Variants in LGR5 observed in about 807,000 individuals in gnomAD.
LGR5 encodes the protein leucine-rich repeat-containing G protein-coupled receptor 5.
In LGR5, 54 loss-of-function variants were observed where a neutral mutation model predicts 76.7. That is an observed-to-expected ratio of 0.70 (90% CI 0.57 to 0.88). The LOEUF (loss-of-function observed/expected upper bound fraction) is 0.88. LGR5 is among the 40% of genes least tolerant of loss of function. The probability of loss-of-function intolerance (pLI) is 0.00; values close to 1 mark genes in which losing one functional copy is unlikely to be tolerated. For missense variants in LGR5, 1,078 were observed against 1,073.3 expected (o/e 1.00, Z -0.06); for synonymous variants, 406 against 421.9 (o/e 0.96, Z 0.46).
At chr12:71,534,587 G>C (rs1430522261) in intron 3 of LGR5, among the ~76,000 whole-genome samples, 1 of 152,066 alleles carries the variant, frequency 6.6e-6, no homozygotes, top group Non-Finnish European at 1.5e-5. Context: ...AAGCCTTATG[G>C]TGGCTGGCAA....
At chr12:71,583,623 T>C (rs1424091984) in intron 17 of LGR5, 24 bp from the exon 18 acceptor site, 1 of 1,580,402 alleles carries the variant, frequency 6.3e-7, no homozygotes, top group Admixed American at 1.8e-5. Flanking sequence ...TGATACTCAA[T>C]CTTTGCCTTC....
At chr12:71,533,668 T>C (rs1416944061) in intron 3 of LGR5, among the ~76,000 whole-genome samples, 4 of 152,188 alleles carry the variant, frequency 2.6e-5, no homozygotes, top group African/African-American at 9.6e-5. Flanking sequence ...GGCCTATTAA[T>C]GTACATTAAA....
intron 1 of LGR5, among the ~76,000 whole-genome samples, chr12:71,461,171 C>A (rs1048058918): frequency 6.6e-6 from 1 of 152,174 alleles, no homozygotes; most frequent in African/African-American, 2.4e-5. Flanking sequence ...TGCCCTGCCC[C>A]CTTCCCTCAT....
chr12:71,455,665 T>C (rs773397413), intron 1 of LGR5, among the ~76,000 whole-genome samples: 3 of 152,184 alleles, frequency 2.0e-5, no homozygotes, highest in Non-Finnish European at 4.4e-5. Context: ...AACCTCGTGC[T>C]GAGAAAGCTA....
At chr12:71,526,535 C>T (rs977804164) in intron 3 of LGR5, among the ~76,000 whole-genome samples, 2 of 152,036 alleles carry the variant, frequency 1.3e-5, no homozygotes, top group African/African-American at 4.8e-5. Flanking sequence ...AAGCCTAGTG[C>T]GTGTGATACT....
chr12:71,457,294 G>C (rs923360491), intron 1 of LGR5, among the ~76,000 whole-genome samples: 1 of 152,120 alleles, frequency 6.6e-6, no homozygotes, highest in South Asian at 2.1e-4. Flanking sequence ...CCCTATTTCT[G>C]AGAGAAAGGG....
chr12:71,495,777 G>A (rs1592489814), intron 1 of LGR5, among the ~76,000 whole-genome samples: 1 of 151,118 alleles, frequency 6.6e-6, no homozygotes, highest in South Asian at 2.1e-4. Flanking sequence ...TCTTTCAAAA[G>A]AATTCCTTTG....
intron 4 of LGR5, among the ~76,000 whole-genome samples, chr12:71,546,462 C>T (rs1050415750): frequency 3.3e-5 from 5 of 152,210 alleles, no homozygotes; most frequent in South Asian, 2.1e-4. Flanking sequence ...TGACATTCAT[C>T]TCTGTTCTCG....
chr12:71,475,584 A>T (rs921823542), intron 1 of LGR5, among the ~76,000 whole-genome samples: 1 of 152,018 alleles, frequency 6.6e-6, no homozygotes, highest in African/African-American at 2.4e-5. Context: ...CTGCTCTCTT[A>T]TGCTGCGACG....
At chr12:71,495,298 T>A (rs58032943) in intron 1 of LGR5, among the ~76,000 whole-genome samples, 3,653 of 151,304 alleles carry the variant, frequency 0.024, 365 homozygotes, top group African/African-American at 0.086. Flanking sequence ...AGTTACATAA[T>A]TATCCTTTTG....
At chr12:71,550,624 C>A (rs908652057) in intron 4 of LGR5, among the ~76,000 whole-genome samples, 4 of 151,934 alleles carry the variant, frequency 2.6e-5, no homozygotes, top group Non-Finnish European at 5.9e-5. Context: ...CCACACCCAG[C>A]TAATTTTTTT....
At chr12:71,565,367 A>G (rs1478231997) in intron 8 of LGR5, among the ~76,000 whole-genome samples, 1 of 149,998 alleles carries the variant, frequency 6.7e-6, no homozygotes, top group Non-Finnish European at 1.5e-5. Flanking sequence ...CCAAAAGTGA[A>G]GAAAATAGTA....
intron 1 of LGR5, among the ~76,000 whole-genome samples, chr12:71,496,542 C>T (rs183626240): frequency 6.6e-5 from 10 of 152,154 alleles, no homozygotes; most frequent in Non-Finnish European, 1.3e-4. Flanking sequence ...TTAAAGCAGA[C>T]ATATGCATAC....
At position 71,584,060 on chromosome 12, in the gene LGR5, A is replaced by G; in HGVS notation, c.2050A>G (p.Ile684Val). 6.2e-7 allele frequency: 1 copy of G among 1,614,182 alleles called. No individual in the cohort carries two copies. Among genetic ancestry groups the G allele is most frequent in the African/African-American group, 1.3e-5 (1 of 75,040 alleles). ...TKAPFSSLKV[I>V]ILLCALLALT... ...AGCTCCATTTTCTAGCCTGAAAGTAATCATTTTGCTCTGTGCCCTGCTGGC... is the reference window on the plus strand; with the variant it reads ...AGCTCCATTTTCTAGCCTGAAAGTAGTCATTTTGCTCTGTGCCCTGCTGGC... The change falls in exon 18 of 18, where the codon ATC becomes GTC. Residue 684 changes from isoleucine to valine, a missense_variant. Physicochemically the swap from Ile to Val is conservative, Grantham distance 29. Transcript: ENST00000266674.
chr12:71,504,593 GCTGT>G lies in LGR5; in HGVS notation c.213-16_213-13del. On this transcript the variant is annotated splice_polypyrimidine_tract_variant and intron_variant, in intron 1 of 17. Coordinates refer to ENST00000266674, the MANE Select transcript of LGR5 (RefSeq NM_003667.4). ...TGGTGGCATTTGCTGCTCCTCACACGCTGTCTGTTTTCCCCCCCAGAGACCTCAG... is the reference window on the plus strand; with the variant it reads ...TGGTGGCATTTGCTGCTCCTCACACGCTGTTTTCCCCCCCAGAGACCTCAG... 1 of 1,606,566 alleles carries G rather than the reference GCTGT, an allele frequency of 6.2e-7. No homozygotes were observed. The highest frequency in any genetic ancestry group is 1.1e-5 in the South Asian group (1 of 90,880).
chr12:71,504,598 C>G lies in LGR5; in HGVS notation c.213-16C>G. ...GCATTTGCTGCTCCTCACACGCTGT[C>G]TGTTTTCCCCCCCAGAGACCTCAGT... On this transcript the variant is annotated splice_polypyrimidine_tract_variant and intron_variant, in intron 1 of 17. Coordinates refer to ENST00000266674, the MANE Select transcript of LGR5 (RefSeq NM_003667.4). 2 of 1,611,958 alleles carry G rather than the reference C, an allele frequency of 1.2e-6. No individual in the cohort carries two copies. The highest frequency in any genetic ancestry group is 1.7e-6 in the Non-Finnish European group (2 of 1,178,062).
intron 2 of LGR5, among the ~76,000 whole-genome samples, chr12:71,523,825 A>C (rs1197206482): frequency 6.6e-6 from 1 of 152,216 alleles, no homozygotes; most frequent in Non-Finnish European, 1.5e-5. Flanking sequence ...AATGTCCTTC[A>C]TACTAATCTC....
In LGR5 at chr12:71,585,348, G is replaced by A. The variant is rs1294583090; in HGVS notation, c.*614G>A. 6.6e-6 allele frequency: 1 copy of A among 152,328 alleles called. No individual in the cohort carries two copies. Among genetic ancestry groups the A allele is most frequent in the Non-Finnish European group, 1.5e-5 (1 of 68,188 alleles). The allele number at this position is 152,328 out of a possible 1,614,324, so 9.4% of individuals were successfully genotyped here. On this transcript the variant is annotated 3_prime_UTR_variant, in exon 18 of 18. Transcript: ENST00000266674. The stretch of plus-strand genomic sequence containing the variant: ...TTGAGATCATTTTTAGAGATACCAG[G>A]TTTTATGTATCAGCACTAGATGGTT...
intron 1 of LGR5, among the ~76,000 whole-genome samples, chr12:71,462,617 A>G (rs1872726340): frequency 6.6e-6 from 1 of 152,052 alleles, no homozygotes; most frequent in Non-Finnish European, 1.5e-5. Flanking sequence ...GTCTCACCCA[A>G]TAGATGCCAG....
Sources: allele counts gnomAD v4.1 joint callset (sites outside exome capture counted in the v4.1 genomes callset), GRCh38; gene constraint gnomAD v4.1.1; transcripts MANE v1.5; gene names NCBI Gene and HGNC (gene_info 2026-07-23, HGNC 2026-07-21).